The following SOBP variants were observed in gnomAD, a reference collection of about 807,000 sequenced individuals.
SOBP encodes sine oculis-binding protein homolog.
SOBP carries 4 observed loss-of-function variants against 53.6 expected under a neutral mutation model. The observed-to-expected ratio is 0.07, with a 90% CI of 0.04 to 0.17. The LOEUF (loss-of-function observed/expected upper bound fraction) is 0.17. SOBP is among the 10% of genes least tolerant of loss of function. The pLI is 1.00. For synonymous variants in SOBP, 584 were observed against 522.6 expected (o/e 1.12, Z -1.60); for missense variants, 1,088 against 1,204.7 (o/e 0.90, Z 1.43).
intron 4 of SOBP, among the ~76,000 whole-genome samples, chr6:107,537,057 T>G (rs998404946): frequency 1.3e-5 from 2 of 152,338 alleles, no homozygotes; most frequent in Admixed American, 1.3e-4. Flanking sequence ...TTGAGAGCAT[T>G]TCTGTCCTTG....
chr6:107,594,780 T>C (rs1185140393), intron 5 of SOBP, among the ~76,000 whole-genome samples: 1 of 152,218 alleles, frequency 6.6e-6, no homozygotes, highest in African/African-American at 2.4e-5. Context: ...ACCGTAACTT[T>C]TCTAAGTAGA....
At chr6:107,603,524 C>G (rs1786260065) in intron 5 of SOBP, among the ~76,000 whole-genome samples, 1 of 152,128 alleles carries the variant, frequency 6.6e-6, no homozygotes, top group South Asian at 2.1e-4. Flanking sequence ...AAGATTTATT[C>G]CAGGAATATG....
At chr6:107,494,909 A>G (rs1782662366) in intron 1 of SOBP, among the ~76,000 whole-genome samples, 1 of 152,154 alleles carries the variant, frequency 6.6e-6, no homozygotes, top group South Asian at 2.1e-4. Context: ...ACAGACAATA[A>G]AGCAAGTTGC....
At chr6:107,527,619 G>T (rs996248441) in intron 3 of SOBP, among the ~76,000 whole-genome samples, 3 of 152,172 alleles carry the variant, frequency 2.0e-5, no homozygotes, top group Admixed American at 2.0e-4. Context: ...CGAAGCCATA[G>T]TTAGGGTGGG....
chr6:107,627,186 G>A (rs114059307), intron 5 of SOBP, among the ~76,000 whole-genome samples: 3,396 of 152,256 alleles, frequency 0.022, 133 homozygotes, highest in African/African-American at 0.078. Flanking sequence ...CTTAAGCAAC[G>A]TAAAACATCA....
chr6:107,623,098 G>T (rs1770263682), intron 5 of SOBP, among the ~76,000 whole-genome samples: 1 of 152,180 alleles, frequency 6.6e-6, no homozygotes, highest in African/African-American at 2.4e-5. Flanking sequence ...GGGGGAGAAT[G>T]CTGGATATGA....
intron 4 of SOBP, among the ~76,000 whole-genome samples, chr6:107,561,348 G>A (rs1159961228): frequency 1.3e-5 from 2 of 152,130 alleles, no homozygotes; most frequent in African/African-American, 4.8e-5. Context: ...CTTAGGAGAG[G>A]GGAGTTTTAC....
chr6:107,588,730 C>G (rs2115062113), intron 5 of SOBP, among the ~76,000 whole-genome samples: 1 of 152,246 alleles, frequency 6.6e-6, no homozygotes, highest in African/African-American at 2.4e-5. Flanking sequence ...CTGGAGGAAG[C>G]AAAACATATA....
intron 1 of SOBP, among the ~76,000 whole-genome samples, chr6:107,499,062 G>C (rs1159038803): frequency 2.0e-5 from 3 of 152,160 alleles, no homozygotes; most frequent in African/African-American, 7.2e-5. Context: ...AAGTAGATAT[G>C]CCCTGTTTAG....
intron 4 of SOBP, among the ~76,000 whole-genome samples, chr6:107,540,385 AT>A (rs1784116575): frequency 6.6e-6 from 1 of 152,256 alleles, no homozygotes; most frequent in Non-Finnish European, 1.5e-5. Flanking sequence ...ACAGATTAGA[AT>A]GGAATAAAGA....
At chr6:107,525,346 T>C (rs1245406122) in intron 3 of SOBP, among the ~76,000 whole-genome samples, 2 of 152,256 alleles carry the variant, frequency 1.3e-5, no homozygotes, top group African/African-American at 2.4e-5. Flanking sequence ...GAGGCACATG[T>C]ACTTAGTAGT....
intron 6 of SOBP, among the ~76,000 whole-genome samples, chr6:107,638,195 T>TTTTATTTATTTATTTA (rs138272779): frequency 1.3e-5 from 2 of 150,938 alleles, no homozygotes; most frequent in African/African-American, 4.9e-5. Flanking sequence ...TCCTGGTTTG[T>TTTTATTTATTTATTTA]TTTATTTATT....
intron 4 of SOBP, among the ~76,000 whole-genome samples, chr6:107,547,684 G>C (rs1223351149): frequency 6.6e-6 from 1 of 152,190 alleles, no homozygotes; most frequent in African/African-American, 2.4e-5. Flanking sequence ...AACCTTTGCA[G>C]TTGGCCACAA....
chr6:107,601,198 C>T (rs565406343), intron 5 of SOBP, among the ~76,000 whole-genome samples: 9 of 152,210 alleles, frequency 5.9e-5, no homozygotes, highest in African/African-American at 2.2e-4. Flanking sequence ...TTCTGAGTTG[C>T]GGAGTTTCTT....
intron 4 of SOBP, among the ~76,000 whole-genome samples, chr6:107,547,304 G>A (rs1784327462): frequency 6.6e-6 from 1 of 152,156 alleles, no homozygotes; most frequent in Non-Finnish European, 1.5e-5. Flanking sequence ...CCATCTGTAG[G>A]GGGCTCATTG....
At chr6:107,500,241 T>C (rs1478738581) in intron 1 of SOBP, among the ~76,000 whole-genome samples, 3 of 151,942 alleles carry the variant, frequency 2.0e-5, no homozygotes, top group Non-Finnish European at 4.4e-5. Flanking sequence ...ATAGAAAAAT[T>C]AGCCGGGCAT....
chr6:107,553,963 A>G (rs1422376237), intron 4 of SOBP, among the ~76,000 whole-genome samples: 1 of 152,214 alleles, frequency 6.6e-6, no homozygotes, highest in East Asian at 1.9e-4. Flanking sequence ...CTTCTCTTCT[A>G]CAAACAAGGT....
At chr6:107,639,171 G>C (rs1562121384) in intron 6 of SOBP, among the ~76,000 whole-genome samples, 2 of 152,154 alleles carry the variant, frequency 1.3e-5, no homozygotes, top group African/African-American at 4.8e-5. Flanking sequence ...CCAAAGTGTT[G>C]GGATTACAGG....
chr6:107,502,596 C>T (rs1286984877), intron 1 of SOBP, among the ~76,000 whole-genome samples: 1 of 152,088 alleles, frequency 6.6e-6, no homozygotes, highest in Non-Finnish European at 1.5e-5. Context: ...ATTTATAGTT[C>T]ATAAAATGTT....
Sources: gnomAD v4.1 joint callset for allele counts (sites outside exome capture counted in the v4.1 genomes callset) on GRCh38, gnomAD v4.1.1 for gene constraint, MANE v1.5 for transcripts, NCBI Gene and HGNC (gene_info 2026-07-23, HGNC 2026-07-21) for gene names.